BID: variants seen among roughly 807,000 people sequenced by gnomAD.
BID encodes BH3 interacting domain death agonist, also known as BH3-interacting domain death agonist.
In BID, 19 loss-of-function variants were observed where a neutral mutation model predicts 17.4. That is an observed-to-expected ratio of 1.09 (90% CI 0.76 to 1.60). BID has a LOEUF of 1.60. Among genes scored for constraint, BID ranks in the 40% most tolerant of loss-of-function variants. The pLI, the probability that BID is intolerant of heterozygous loss-of-function variation, is 0.00. For synonymous variants in BID, 108 were observed against 102.8 expected (o/e 1.05, Z -0.31); for missense variants, 226 against 256.0 (o/e 0.88, Z 0.80).
intron 1 of BID, 63 bp from the exon 2 acceptor site, chr22:17,750,237 A>G: frequency 7.2e-7 from 1 of 1,395,274 alleles, no homozygotes; most frequent in Non-Finnish European, 1.0e-6. Context: ...ACCCCTCGGG[A>G]GGACGACGAA....
At chr22:17,752,425 A>G (rs114559060) in intron 1 of BID, among the ~76,000 whole-genome samples, 6,202 of 152,316 alleles carry the variant, frequency 0.041, 418 homozygotes, top group African/African-American at 0.14. Context: ...AATACATAGC[A>G]AATACCACTA....
intron 2 of BID, among the ~76,000 whole-genome samples, chr22:17,748,909 C>T (rs1001011813): frequency 1.3e-5 from 2 of 152,230 alleles, no homozygotes; most frequent in Non-Finnish European, 2.9e-5. Flanking sequence ...GGATCAGGGC[C>T]GGGGGAGCTC....
chr22:17,773,381 T>A lies in BID; in HGVS notation c.-59+1000A>T, dbSNP rs963489699. ...TTCAGGCCCAGGAGAGCTCCCCCCA[T>A]CTCAAAGCCTCCTGTGGGTGGAGAT... On this transcript the variant is annotated intron_variant, in intron 1 of 5. Coordinates refer to ENST00000622694, the MANE Select transcript of BID (RefSeq NM_001196.4). The surrounding 1 kb of genome is among the most constrained non-coding windows in gnomAD (Gnocchi z 4.4). Among the ~76,000 whole-genome samples the A allele has an allele frequency of 1.3e-5, 2 of 151,936 alleles. No homozygotes were observed. Among genetic ancestry groups the A allele is most frequent in the African/African-American group, 2.4e-5 (1 of 41,364 alleles).
At chr22:17,770,287 T>C (rs1353772066) in intron 1 of BID, among the ~76,000 whole-genome samples, 1 of 152,212 alleles carries the variant, frequency 6.6e-6, no homozygotes, top group Admixed American at 6.5e-5. Context: ...GCTTTGAACC[T>C]GCAATGTGAT....
At chr22:17,748,515 A>T (rs966230661) in intron 2 of BID, among the ~76,000 whole-genome samples, 7 of 152,148 alleles carry the variant, frequency 4.6e-5, no homozygotes, top group African/African-American at 1.4e-4. Flanking sequence ...CAAAAAAAAA[A>T]ATAAAAATAA....
rs549205581 is a variant in BID, at chr22:17,770,125, C to T, written c.-59+4256G>A. Among the ~76,000 whole-genome samples, 124 of 152,102 alleles carry T rather than the reference C, an allele frequency of 8.2e-4. 1 individual carries two copies. Among genetic ancestry groups the T allele is most frequent in the Non-Finnish European group, 1.4e-3 (93 of 68,032 alleles). On this transcript the variant is annotated intron_variant, in intron 1 of 5. Transcript: ENST00000622694. Reference sequence around the variant, plus strand: ...CACTCCTGTCCTGTTCTCCTGCTGTCCCCACCCCAGCCCTGACCCCAGATG... The same window carrying T: ...CACTCCTGTCCTGTTCTCCTGCTGTTCCCACCCCAGCCCTGACCCCAGATG...
chr22:17,760,521 G>A (rs930620526), intron 1 of BID, among the ~76,000 whole-genome samples: 9 of 150,398 alleles, frequency 6.0e-5, no homozygotes, highest in Admixed American at 1.3e-4. Context: ...AAATCATCAC[G>A]GATTACAGAC....
At chr22:17,756,494 T>TTCTTTCTTTCTTTCTTTCTC (rs1454070298) in intron 1 of BID, among the ~76,000 whole-genome samples, 1 of 136,910 alleles carries the variant, frequency 7.3e-6, no homozygotes, top group African/African-American at 2.8e-5. Context: ...CTTTCTTTCT[T>TTCTTTCTTTCTTTCTTTCTC]TCTCTCTCTC....
At chr22:17,739,731 C>A in intron 3 of BID, 2 of 589,908 alleles carry the variant, frequency 3.4e-6, no homozygotes, top group Non-Finnish European at 6.0e-6. Context: ...CACACAGGCA[C>A]CACGTCCCCA....
Position 17,735,226 on chromosome 22 carries a change from A to G in BID, c.*354T>C, listed in dbSNP as rs907374422. The G allele has an allele frequency of 4.4e-5, 10 of 227,230 alleles. No individual in the cohort carries two copies. Among genetic ancestry groups the G allele is most frequent in the African/African-American group, 2.3e-4 (10 of 43,526 alleles). The allele number at this position is 227,230 out of a possible 1,614,324, so 14.1% of individuals were successfully genotyped here. A position where few individuals can be genotyped will look rare whatever the true frequency, so the allele number is the denominator to read the frequency against. ...AATTTTTTTTTACCAAAAAAATTGT[A>G]TTTTGTTTCTACTTCCTTGAAACCT... On this transcript the variant is annotated 3_prime_UTR_variant, in exon 6 of 6. Transcript: ENST00000622694.
rs371189928 is a variant in BID, at chr22:17,753,661, C to T, written c.-58-3487G>A. Among the ~76,000 whole-genome samples, 14 of 152,384 alleles carry T rather than the reference C, an allele frequency of 9.2e-5. No homozygotes were observed. In the East Asian group the frequency reaches 9.6e-4, roughly 10 times the overall value. ...GGCTCCCCCGTCAATAGCGGCCCTA[C>T]GCCCATCCCAACTCCTAAACAAAGT... is the stretch of plus-strand genomic sequence containing the variant. On this transcript the variant is annotated intron_variant, in intron 1 of 5. Coordinates refer to ENST00000622694, the MANE Select transcript of BID (RefSeq NM_001196.4).
intron 1 of BID, among the ~76,000 whole-genome samples, chr22:17,763,387 G>A (rs2061655344): frequency 6.6e-6 from 1 of 152,114 alleles, no homozygotes; most frequent in Non-Finnish European, 1.5e-5. Context: ...GGGATTACAG[G>A]TGACCGCCAC....
chr22:17,756,636 C>A (rs2061593447), intron 1 of BID, among the ~76,000 whole-genome samples: 1 of 150,064 alleles, frequency 6.7e-6, no homozygotes, highest in African/African-American at 2.5e-5. Context: ...AGTGCAATGG[C>A]ACAATCTCGG....
At chr22:17,774,571 G>T (rs1245213192), upstream of BID, 1 of 150,090 alleles carries the variant, frequency 6.7e-6, no homozygotes, top group East Asian at 2.0e-4. Flanking sequence ...GGGAGCCCGC[G>T]CCGGCGCGGG....
rs550784433 is a variant in BID at position 17,773,333 on chromosome 22, G to A, written c.-59+1048C>T. Among the ~76,000 whole-genome samples the A allele has an allele frequency of 6.6e-6, 1 of 152,236 alleles. No homozygotes were observed. Among genetic ancestry groups the A allele is most frequent in the African/African-American group, 2.4e-5 (1 of 41,552 alleles). On this transcript the variant is annotated intron_variant, in intron 1 of 5. Transcript: ENST00000622694. The surrounding 1 kb of genome is among the most constrained non-coding windows in gnomAD (Gnocchi z 4.4). The stretch of plus-strand genomic sequence containing the variant: ...TCTCGGTCATCACTCCCAGGGGACT[G>A]CAGGGCCCCAGGACGGCACACATTC...
intron 1 of BID, among the ~76,000 whole-genome samples, chr22:17,750,964 A>C (rs1418260483): frequency 2.0e-5 from 3 of 151,854 alleles, no homozygotes; most frequent in African/African-American, 7.3e-5. Context: ...TACACCCAGG[A>C]GGTGGAGGCT....
At chr22:17,736,349 T>TG (rs971923803) in intron 5 of BID, among the ~76,000 whole-genome samples, 2 of 150,974 alleles carry the variant, frequency 1.3e-5, no homozygotes, top group Admixed American at 6.6e-5. Context: ...CCCAGCTTCT[T>TG]GGGGGGCTGA....
intron 1 of BID, among the ~76,000 whole-genome samples, chr22:17,758,084 G>A (rs2061607292): frequency 6.9e-6 from 1 of 145,892 alleles, no homozygotes; most frequent in African/African-American, 2.7e-5. Context: ...TGGCCTCCTG[G>A]GGGGTCCTTG....
At chr22:17,744,213 T>G (rs1438884873) in intron 2 of BID, among the ~76,000 whole-genome samples, 200 bp from the exon 3 acceptor site, 1 of 152,158 alleles carries the variant, frequency 6.6e-6, no homozygotes, top group African/African-American at 2.4e-5. Context: ...GCACTGCCCG[T>G]AGATGGCAGG....
Sources: gnomAD v4.1 joint callset for allele counts (sites outside exome capture counted in the v4.1 genomes callset) on GRCh38, gnomAD v4.1.1 for gene constraint, Gnocchi (gnomAD v3.1) non-coding constraint, MANE v1.5 for transcripts, NCBI Gene and HGNC (gene_info 2026-07-23, HGNC 2026-07-21) for gene names.